RAPGEF4: variants seen among roughly 807,000 people sequenced by gnomAD.
RAPGEF4 encodes RAP guanine-nucleotide-exchange factor (GEF) 4.
Under a neutral mutation model 147.9 loss-of-function variants are expected in RAPGEF4, and 66 were observed. The ratio of observed to expected loss-of-function variants is 0.45; its 90% CI spans 0.37 to 0.55. The LOEUF is 0.55. RAPGEF4 is among the 20% of genes least tolerant of loss of function. RAPGEF4 has a pLI of 0.00. For missense variants in RAPGEF4, 1,071 were observed against 1,257.3 expected, an observed-to-expected ratio of 0.85 and a Z score of 2.24; for synonymous variants, 419 against 442.7, an observed-to-expected ratio of 0.95 and a Z score of 0.67.
intron 20 of RAPGEF4, 109 bp downstream of exon 20, chr2:173,017,313 A>C (rs1695595738): frequency 1.3e-6 from 2 of 1,482,338 alleles, no homozygotes; most frequent in African/African-American, 1.4e-5. Context: ...GTAGACGTGA[A>C]ATATATTGTC....
chr2:172,772,407 A>G (rs945749590), intron 1 of RAPGEF4, among the ~76,000 whole-genome samples: 12 of 151,868 alleles, frequency 7.9e-5, no homozygotes, highest in East Asian at 5.8e-4. Context: ...GCAGTGGCGC[A>G]ATCTTGGCTC....
At chr2:172,882,125 A>G (rs980569083) in intron 4 of RAPGEF4, among the ~76,000 whole-genome samples, 2 of 152,206 alleles carry the variant, frequency 1.3e-5, no homozygotes, top group Non-Finnish European at 2.9e-5. Flanking sequence ...TAACTTTTTC[A>G]AATTAAATTA....
Position 172,902,747 on chromosome 2 carries a change from A to T in RAPGEF4, c.445-15055A>T, listed in dbSNP as rs550371754. Among the ~76,000 whole-genome samples the T allele has an allele frequency of 2.0e-5, 3 of 152,346 alleles. No homozygotes were observed. The South Asian group carries it at 6.2e-4, about 32-fold the overall frequency. ...TAAAGTATGGGCCTGGGTGAGACTC[A>T]TAAGAACATACCCTGCAGAGAAAAC... On this transcript the variant is annotated intron_variant, in intron 4 of 30. Transcript: ENST00000397081.
intron 4 of RAPGEF4, among the ~76,000 whole-genome samples, chr2:172,912,293 T>C (rs1422844553): frequency 6.6e-6 from 1 of 152,238 alleles, no homozygotes; most frequent in African/African-American, 2.4e-5. Context: ...TTATCATCCA[T>C]TTCATTAGAC....
chr2:172,774,619 A>G lies in RAPGEF4; in HGVS notation c.66-20406A>G, dbSNP rs201368317. On this transcript the variant is annotated intron_variant, in intron 1 of 30. Transcript: ENST00000397081. ...GAGCATTGGAAGAAAGGGGCTCTCTATGAAGCCTTCTCTACTCACTCTTAT... is the reference window on the plus strand; with the variant it reads ...GAGCATTGGAAGAAAGGGGCTCTCTGTGAAGCCTTCTCTACTCACTCTTAT... Among the ~76,000 whole-genome samples the G allele has an allele frequency of 2.6e-5, 4 of 152,322 alleles. No homozygotes were observed. In the East Asian group the frequency reaches 7.7e-4, roughly 29 times the overall value.
chr2:172,945,556 C>A (rs1333572690), intron 6 of RAPGEF4, among the ~76,000 whole-genome samples: 1 of 151,818 alleles, frequency 6.6e-6, no homozygotes, highest in African/African-American at 2.4e-5. Flanking sequence ...CAGATAAATA[C>A]GCTCACATGC....
chr2:172,855,259 C>G (rs1693287871), intron 4 of RAPGEF4, among the ~76,000 whole-genome samples: 2 of 152,100 alleles, frequency 1.3e-5, no homozygotes, highest in Admixed American at 6.5e-5. Flanking sequence ...ATTAACTTTT[C>G]ACATTCCACT....
At chr2:172,885,983 A>G (rs2149877464) in intron 4 of RAPGEF4, among the ~76,000 whole-genome samples, 1 of 152,272 alleles carries the variant, frequency 6.6e-6, no homozygotes, top group South Asian at 2.1e-4. Flanking sequence ...CAGTGCAGCC[A>G]CTGGGACTTC....
intron 4 of RAPGEF4, among the ~76,000 whole-genome samples, chr2:172,908,299 A>AAG (rs1699807230): frequency 6.6e-6 from 1 of 152,250 alleles, no homozygotes; most frequent in African/African-American, 2.4e-5. Flanking sequence ...GAGCTCCAGG[A>AAG]AGAGCTCCTG....
At chr2:172,825,069 A>G (rs1485364357) in intron 4 of RAPGEF4, among the ~76,000 whole-genome samples, 1 of 152,196 alleles carries the variant, frequency 6.6e-6, no homozygotes, top group African/African-American at 2.4e-5. Context: ...TGACCATTAT[A>G]TATACAGATG....
At chr2:173,013,511 A>C (rs961568556) in intron 17 of RAPGEF4, among the ~76,000 whole-genome samples, 1 of 152,256 alleles carries the variant, frequency 6.6e-6, no homozygotes, top group Non-Finnish European at 1.5e-5. Flanking sequence ...AAGTTGTTTT[A>C]TGAACTAATT....
chr2:173,044,724 C>T (rs1009057139), intron 29 of RAPGEF4, among the ~76,000 whole-genome samples: 5 of 152,090 alleles, frequency 3.3e-5, no homozygotes, highest in African/African-American at 1.2e-4. Context: ...TCAATTTGTT[C>T]CCCTACACGG....
intron 6 of RAPGEF4, among the ~76,000 whole-genome samples, chr2:172,931,013 T>A (rs1685863978): frequency 6.6e-6 from 1 of 152,136 alleles, no homozygotes. Context: ...ACAATCCATG[T>A]CCCTAGAAGC....
intron 17 of RAPGEF4, among the ~76,000 whole-genome samples, chr2:173,003,572 T>C (rs1047592378): frequency 1.3e-5 from 2 of 152,176 alleles, no homozygotes; most frequent in Admixed American, 6.5e-5. Flanking sequence ...GGGTTAGTAT[T>C]AGCTTTGTGT....
intron 6 of RAPGEF4, among the ~76,000 whole-genome samples, chr2:172,926,719 G>A (rs762574677): frequency 1.3e-5 from 2 of 151,928 alleles, no homozygotes; most frequent in African/African-American, 2.4e-5. Context: ...CTACAGGCGC[G>A]TGCCACCATA....
intron 2 of RAPGEF4, among the ~76,000 whole-genome samples, chr2:172,797,139 A>T (rs1574867333): frequency 6.6e-6 from 1 of 152,228 alleles, no homozygotes; most frequent in African/African-American, 2.4e-5. Context: ...TGGTTTTTTA[A>T]ATCAATCATT....
chr2:172,904,603 A>G (rs1358471491), intron 4 of RAPGEF4, among the ~76,000 whole-genome samples: 1 of 152,164 alleles, frequency 6.6e-6, no homozygotes, highest in South Asian at 2.1e-4. Flanking sequence ...GAAAGGCACA[A>G]ATGGGTTGAG....
At chr2:173,027,726 T>C (rs981082198) in intron 25 of RAPGEF4, among the ~76,000 whole-genome samples, 4 of 152,186 alleles carry the variant, frequency 2.6e-5, no homozygotes, top group African/African-American at 9.7e-5. Flanking sequence ...ACCTGGTACA[T>C]GAAAATCATC....
chr2:172,757,667 A>G (rs1376959513), intron 1 of RAPGEF4, among the ~76,000 whole-genome samples: 1 of 152,234 alleles, frequency 6.6e-6, no homozygotes, highest in Non-Finnish European at 1.5e-5. Context: ...AATTAAGTGT[A>G]TGAATGTCAG....
Sources: allele counts gnomAD v4.1 joint callset (sites outside exome capture counted in the v4.1 genomes callset), GRCh38; gene constraint gnomAD v4.1.1; transcripts MANE v1.5; gene names NCBI Gene and HGNC (gene_info 2026-07-23, HGNC 2026-07-21).